Variants in KLF17 observed in about 807,000 individuals in gnomAD.
KLF17 encodes KLF transcription factor 17, also known as Krueppel-like factor 17.
Under a neutral mutation model 34.2 loss-of-function variants are expected in KLF17, and 31 were observed. That is an observed-to-expected ratio of 0.91 (90% CI 0.68 to 1.22). KLF17 has a LOEUF of 1.22. Among genes scored for constraint, KLF17 ranks in the 50% most tolerant of loss-of-function variants. The probability of loss-of-function intolerance (pLI) is 0.00; values close to 1 mark genes in which losing one functional copy is unlikely to be tolerated. For synonymous variants in KLF17, 179 were observed against 186.7 expected, an observed-to-expected ratio of 0.96 and a Z score of 0.34; for missense variants, 478 against 505.2, an observed-to-expected ratio of 0.95 and a Z score of 0.52.
chr1:44,101,878 C>G, the KLF17 span, among the ~76,000 whole-genome samples: 1 of 151,700 alleles, frequency 6.6e-6, no homozygotes, highest in East Asian at 1.9e-4. Flanking sequence ...CAAAACAAAA[C>G]AAACAAACAA....
Position 44,129,856 on chromosome 1 carries a change from T to C in KLF17, c.585T>C (p.Thr195=), listed in dbSNP as rs573354603. The C allele has an allele frequency of 1.2e-6, 2 of 1,614,220 alleles. No homozygotes were observed. The highest frequency in any genetic ancestry group is 2.7e-5 in the African/African-American group (2 of 75,064). Residue 195 remains threonine (T), a synonymous_variant, in exon 2 of 4, where the codon ACT becomes ACC. Transcript: ENST00000372299. ...VPSDETLLGP[T]VPSTEAQAVL... is the part of the protein sequence containing the mutation. Reference sequence around the variant, plus strand: ...CTGACGAAACATTGTTGGGCCCGACTGTGCCTTCCACTGAGGCCCAGGCAG... The same window carrying C: ...CTGACGAAACATTGTTGGGCCCGACCGTGCCTTCCACTGAGGCCCAGGCAG...
the KLF17 span, among the ~76,000 whole-genome samples, chr1:44,052,714 C>T: frequency 3.3e-5 from 5 of 152,166 alleles, no homozygotes. Flanking sequence ...GTCACTAAAA[C>T]CCCCATAGAG....
At chr1:44,123,870 C>G (rs998547934) in intron 1 of KLF17, among the ~76,000 whole-genome samples, 1 of 149,590 alleles carries the variant, frequency 6.7e-6, no homozygotes, top group African/African-American at 2.4e-5. Context: ...TGTAAATTTT[C>G]TAGTTTATCT....
chr1:44,116,303 G>C (rs545937087), upstream of KLF17, among the ~76,000 whole-genome samples: 197 of 152,198 alleles, frequency 1.3e-3, no homozygotes, highest in African/African-American at 4.6e-3. Flanking sequence ...ATACATAAGA[G>C]CCTTCTTACC....
At chr1:44,110,074 T>G in the KLF17 span, among the ~76,000 whole-genome samples, 1 of 151,926 alleles carries the variant, frequency 6.6e-6, no homozygotes, top group Non-Finnish European at 1.5e-5. Flanking sequence ...GCCTGGCTAA[T>G]TTTTGTATTT....
intron 1 of KLF17, among the ~76,000 whole-genome samples, chr1:44,127,109 A>G (rs140571365): frequency 6.4e-4 from 90 of 140,432 alleles, no homozygotes; most frequent in Middle Eastern, 3.9e-3. Context: ...AGGATTCCCT[A>G]TGTTGCTCAG....
At chr1:44,117,460 ATTTT>A (rs2087891857), upstream of KLF17, 1 of 141,324 alleles carries the variant, frequency 7.1e-6, no homozygotes, top group Non-Finnish European at 1.5e-5. Context: ...ATTTTATTTT[ATTTT>A]ATTTATTTTA....
rs764667525 is a variant in KLF17, at chr1:44,129,618, G to A, written c.347G>A (p.Arg116Lys). Residue 116 changes from arginine (R) to lysine (K), a missense_variant, in exon 2 of 4, where the codon AGA becomes AAA. Arg to Lys is a conservative substitution (Grantham distance 26). Transcript: ENST00000372299. Reference protein sequence around the residue: ...LTPSRMIYCQRMSPPQQEMTI... With the variant: ...LTPSRMIYCQKMSPPQQEMTI... Reference sequence around the variant, plus strand: ...CCTTCCCGGATGATTTACTGTCAGAGAATGTCTCCCCCTCAGCAAGAGATG... The same window carrying A: ...CCTTCCCGGATGATTTACTGTCAGAAAATGTCTCCCCCTCAGCAAGAGATG... 13 of 1,614,082 alleles carry A rather than the reference G, an allele frequency of 8.1e-6. No individual in the cohort carries two copies. In the African/African-American group the frequency reaches 1.5e-4, roughly 18 times the overall value.
chr1:44,084,583 G>T, the KLF17 span, among the ~76,000 whole-genome samples: 101 of 151,814 alleles, frequency 6.7e-4, 1 homozygote, highest in African/African-American at 2.4e-3. Flanking sequence ...GTGAGGCTGA[G>T]GTGGGAGGAT....
chr1:44,130,820 G>T, intron 3 of KLF17, 64 bp downstream of exon 3: 4 of 1,490,528 alleles, frequency 2.7e-6, no homozygotes, highest in Non-Finnish European at 3.7e-6. Context: ...TTTTTGAGAC[G>T]GAGTCTCACT....
chr1:44,113,430 A>G, the KLF17 span, among the ~76,000 whole-genome samples: 9 of 152,202 alleles, frequency 5.9e-5, no homozygotes, highest in Non-Finnish European at 1.0e-4. Context: ...TTACTGATGT[A>G]GTTCTCTACT....
chr1:44,103,220 C>T, the KLF17 span: 1 of 637,556 alleles, frequency 1.6e-6, no homozygotes, highest in Admixed American at 2.4e-5. Flanking sequence ...GTCTCCCGTT[C>T]CCTGTGCTCC....
chr1:44,070,597 T>TC, the KLF17 span, among the ~76,000 whole-genome samples: 5 of 140,828 alleles, frequency 3.6e-5, no homozygotes, highest in South Asian at 2.4e-4. Flanking sequence ...TGTCTTTTTT[T>TC]TTTTTTTTTT....
In KLF17 at chr1:44,135,125, A is replaced by G. The variant is rs546824006; in HGVS notation, c.*1888A>G. The G allele has an allele frequency of 6.6e-6, 1 of 152,272 alleles. No homozygotes were observed. The highest frequency in any genetic ancestry group is 2.1e-4 in the South Asian group (1 of 4,830). The allele number at this position is 152,272 out of a possible 1,614,324, so 9.4% of individuals were successfully genotyped here. ...GTGTGACCTTGTCTCTGTAAAAAAT[A>G]AAATTAAAAGAAAAAGAAGGGAAAG... On this transcript the variant is annotated 3_prime_UTR_variant, in exon 4 of 4. Transcript: ENST00000372299.
the KLF17 span, among the ~76,000 whole-genome samples, chr1:44,084,402 G>C: frequency 2.0e-5 from 3 of 152,090 alleles, no homozygotes; most frequent in Admixed American, 6.5e-5. Context: ...TTTTTGCCAG[G>C]TACAGTTGCT....
At chr1:44,080,459 C>T in the KLF17 span, among the ~76,000 whole-genome samples, 2 of 151,672 alleles carry the variant, frequency 1.3e-5, no homozygotes, top group African/African-American at 2.4e-5. Flanking sequence ...AGTATGGTCT[C>T]CATCTCCTGA....
chr1:44,110,304 A>G, the KLF17 span: 1 of 152,384 alleles, frequency 6.6e-6, no homozygotes, highest in East Asian at 1.9e-4. Context: ...AAAGGTAGAC[A>G]GACTATGCTT....
the KLF17 span, among the ~76,000 whole-genome samples, chr1:44,096,404 CTTT>C: frequency 6.9e-6 from 1 of 144,348 alleles, no homozygotes. Context: ...ATTTATTTTT[CTTT>C]TTTTTTTTTG....
intron 1 of KLF17, chr1:44,122,517 G>A: frequency 2.2e-6 from 2 of 901,386 alleles, no homozygotes; most frequent in Non-Finnish European, 3.8e-6. Flanking sequence ...CTTCATCCTA[G>A]CGGTGCCATC....
Sources: allele counts gnomAD v4.1 joint callset (sites outside exome capture counted in the v4.1 genomes callset), GRCh38; gene constraint gnomAD v4.1.1; transcripts MANE v1.5; gene names NCBI Gene and HGNC (gene_info 2026-07-23, HGNC 2026-07-21).